TASL: variants seen among roughly 807,000 people sequenced by gnomAD.
TASL encodes the protein TLR adaptor interacting with endolysosomal SLC15A4, also known as TLR adapter interacting with SLC15A4 on the lysosome.
In TASL, 6 loss-of-function variants were observed where a neutral mutation model predicts 12.9. The observed-to-expected ratio is 0.46, with a 90% CI of 0.25 to 0.92. TASL has a LOEUF of 0.92. TASL is among the 40% of genes least tolerant of loss of function. The pLI, the probability that TASL is intolerant of heterozygous loss-of-function variation, is 0.17. For synonymous variants in TASL, 85 were observed against 79.3 expected, an observed-to-expected ratio of 1.07 and a Z score of -0.38; for missense variants, 165 against 212.8, an observed-to-expected ratio of 0.78 and a Z score of 1.40.
Position 30,559,267 on chromosome X carries a change from T to C in TASL, c.*183A>G. 1 of 390,515 alleles carries C rather than the reference T, an allele frequency of 2.6e-6. No homozygotes were observed. The highest frequency in any genetic ancestry group is 4.0e-5 in the East Asian group (1 of 24,982). The allele number at this position is 390,515 out of a possible 1,213,427, so 32.2% of individuals were successfully genotyped here. ...TCATTCCTTATGGCTCCTCTTACCA[T>C]ATTCCTTCATCAAGTGTAATATTAT... is the stretch of plus-strand genomic sequence containing the variant. On this transcript the variant is annotated 3_prime_UTR_variant, in exon 3 of 3. Coordinates refer to ENST00000378962, the MANE Select transcript of TASL (RefSeq NM_025159.3).
chrX:30,564,612 T>G (rs958660894), intron 2 of TASL, among the ~76,000 whole-genome samples: 3 of 112,028 alleles, frequency 2.7e-5, no homozygotes, highest in African/African-American at 9.7e-5. Context: ...GAATTTTAAT[T>G]CAACTAGTTA....
intron 2 of TASL, among the ~76,000 whole-genome samples, chrX:30,566,573 T>C (rs998528423): frequency 8.9e-6 from 1 of 112,006 alleles, no homozygotes; most frequent in African/African-American, 3.2e-5. Flanking sequence ...TGTTGGGTAA[T>C]GAAATGGGAT....
chrX:30,567,593 G>A (rs1207843515), intron 2 of TASL, among the ~76,000 whole-genome samples: 2 of 111,525 alleles, frequency 1.8e-5, no homozygotes, highest in Non-Finnish European at 3.8e-5. Context: ...TTGCCTGTGA[G>A]TCCAGACTAG....
intron 2 of TASL, among the ~76,000 whole-genome samples, chrX:30,567,661 A>C (rs1323409128): frequency 1.8e-5 from 2 of 111,698 alleles, no homozygotes; most frequent in African/African-American, 6.5e-5. Flanking sequence ...TGGTGAAGCC[A>C]GGGGAGGAAG....
intron 2 of TASL, among the ~76,000 whole-genome samples, chrX:30,566,161 T>G: frequency 9.0e-6 from 1 of 111,725 alleles, no homozygotes; most frequent in South Asian, 3.7e-4. Flanking sequence ...TCTGAGTAAT[T>G]AATTTGTTTC....
chrX:30,574,949 T>C (rs1017528392), intron 2 of TASL, among the ~76,000 whole-genome samples: 2 of 111,820 alleles, frequency 1.8e-5, no homozygotes, highest in Admixed American at 1.9e-4. Flanking sequence ...ATTTATTCTC[T>C]CACCAGCAAT....
chrX:30,576,683 T>C (rs1244901253), intron 2 of TASL, 69 bp downstream of exon 2: 1 of 111,483 alleles, frequency 9.0e-6, no homozygotes, highest in Non-Finnish European at 1.9e-5. Flanking sequence ...AGATGAGAAA[T>C]GTCTCAGTGA....
chrX:30,577,215 C>A (rs193165784), intron 1 of TASL, among the ~76,000 whole-genome samples: 1 of 112,415 alleles, frequency 8.9e-6, no homozygotes, highest in Non-Finnish European at 1.9e-5. Context: ...ATCACCGTAA[C>A]TGAATTCAAG....
intron 2 of TASL, among the ~76,000 whole-genome samples, chrX:30,573,468 C>T (rs1930660197): frequency 8.9e-6 from 1 of 112,554 alleles, no homozygotes; most frequent in African/African-American, 3.2e-5. Flanking sequence ...ACACATATGT[C>T]CCAATTATGT....
chrX:30,575,206 T>G (rs1186473693), intron 2 of TASL, among the ~76,000 whole-genome samples: 1 of 111,564 alleles, frequency 9.0e-6, no homozygotes, highest in Non-Finnish European at 1.9e-5. Flanking sequence ...AAGACTTTCT[T>G]GGTGTGGGGG....
intron 2 of TASL, 21 bp from the exon 3 acceptor site, chrX:30,560,377 T>C: frequency 9.2e-7 from 1 of 1,082,798 alleles, no homozygotes; most frequent in Non-Finnish European, 1.2e-6. Context: ...AATTGATGAG[T>C]AAGAATGGGG....
At chrX:30,561,054 T>C (rs913116001) in intron 2 of TASL, among the ~76,000 whole-genome samples, 1 of 111,996 alleles carries the variant, frequency 8.9e-6, no homozygotes, top group South Asian at 3.7e-4. Flanking sequence ...AACTTTGTAT[T>C]GGATCCCTAG....
At chrX:30,564,593 A>G (rs1050135403) in intron 2 of TASL, among the ~76,000 whole-genome samples, 2 of 112,069 alleles carry the variant, frequency 1.8e-5, no homozygotes, top group African/African-American at 6.5e-5. Flanking sequence ...AAAAATGTCT[A>G]CAAATTCTGA....
At position 30,564,551 on chromosome X, in the gene TASL, C is replaced by CA. The variant is rs750102686; in HGVS notation, c.-1-4196dup. 3.6e-5 allele frequency among the ~76,000 whole-genome samples: 4 copies of CA among 111,726 alleles called. No homozygotes were observed. In the South Asian group the frequency reaches 1.5e-3, roughly 42 times the overall value. ...CAAGAACCAGAATCTTCAGACTTCT[C>CA]AACAGCAACATAAGAAACAATAAGA... On this transcript the variant is annotated intron_variant, in intron 2 of 2. Coordinates refer to ENST00000378962, the MANE Select transcript of TASL (RefSeq NM_025159.3).
At chrX:30,572,189 C>G (rs895106232) in intron 2 of TASL, among the ~76,000 whole-genome samples, 4 of 111,872 alleles carry the variant, frequency 3.6e-5, no homozygotes, top group African/African-American at 9.7e-5. Context: ...TGCAAATTCA[C>G]AACTTAGAAA....
chrX:30,572,967 C>T (rs762532201), intron 2 of TASL, among the ~76,000 whole-genome samples: 2 of 112,216 alleles, frequency 1.8e-5, no homozygotes, highest in South Asian at 3.7e-4. Flanking sequence ...AAATGGGATA[C>T]GCATCATAAT....
In TASL at chrX:30,558,845, T is replaced by C. The variant is rs2147081999; in HGVS notation, c.*605A>G. On this transcript the variant is annotated 3_prime_UTR_variant, in exon 3 of 3. Coordinates refer to ENST00000378962, the MANE Select transcript of TASL (RefSeq NM_025159.3). ...TTTTGAGACGGGAGTCTCACTCTTG[T>C]TGCCCAGGCTGGAGTGCAATGGAGC... is the stretch of plus-strand genomic sequence containing the variant. 9.1e-6 allele frequency: 1 copy of C among 109,442 alleles called. No individual in the cohort carries two copies. Among genetic ancestry groups the C allele is most frequent in the Non-Finnish European group, 1.9e-5 (1 of 52,399 alleles). The allele number at this position is 109,442 out of a possible 1,213,427, so 9.0% of individuals were successfully genotyped here.
chrX:30,567,920 T>C (rs960353870), intron 2 of TASL, among the ~76,000 whole-genome samples: 1 of 111,951 alleles, frequency 8.9e-6, no homozygotes, highest in Admixed American at 9.5e-5. Flanking sequence ...TTAATTAAAA[T>C]AAAAACTAAA....
intron 2 of TASL, among the ~76,000 whole-genome samples, chrX:30,565,933 G>A (rs573144705): frequency 9.2e-6 from 1 of 108,990 alleles, no homozygotes; most frequent in African/African-American, 3.3e-5. Context: ...ACCACTCCCA[G>A]CTAATTTTTG....
Sources: gnomAD v4.1 joint callset for allele counts (sites outside exome capture counted in the v4.1 genomes callset) on GRCh38, gnomAD v4.1.1 for gene constraint, MANE v1.5 for transcripts, NCBI Gene and HGNC (gene_info 2026-07-23, HGNC 2026-07-21) for gene names.